The following NUP188 variants were observed in gnomAD, a reference collection of about 807,000 sequenced individuals.
The protein encoded by NUP188 is nucleoporin 188, also known as nucleoporin NUP188.
In NUP188, 97 loss-of-function variants were observed where a neutral mutation model predicts 223.0. That is an observed-to-expected ratio of 0.43 (90% CI 0.37 to 0.51). NUP188 has a LOEUF of 0.51. Among genes scored for constraint, NUP188 ranks in the 20% least tolerant of loss-of-function variants. The probability of loss-of-function intolerance (pLI) is 0.00; values close to 1 mark genes in which losing one functional copy is unlikely to be tolerated. For synonymous variants in NUP188, 869 were observed against 828.0 expected (o/e 1.05, Z -0.85); for missense variants, 1,947 against 2,175.6 (o/e 0.89, Z 2.09).
intron 10 of NUP188, among the ~76,000 whole-genome samples, chr9:128,969,734 A>G (rs545428647): frequency 2.4e-4 from 37 of 152,276 alleles, no homozygotes; most frequent in African/African-American, 7.7e-4. Context: ...GCTCACTGCA[A>G]CTTCCACCTC....
In NUP188 at chr9:128,959,864, A is replaced by G. The variant is rs114720128; in HGVS notation, c.585+730A>G. 4.1e-3 allele frequency among the ~76,000 whole-genome samples: 618 copies of G among 152,214 alleles called. 10 individuals carry two copies. The highest frequency in any genetic ancestry group is 0.014 in the African/African-American group (593 of 41,554). On this transcript the variant is annotated intron_variant, in intron 8 of 43. Coordinates refer to ENST00000372577, the MANE Select transcript of NUP188 (RefSeq NM_015354.3). Reference sequence around the variant, plus strand: ...AGGTTATCATTCTTGAGAAAAGTTTAAACATGTCATATAAATCAAAATATT... The same window carrying G: ...AGGTTATCATTCTTGAGAAAAGTTTGAACATGTCATATAAATCAAAATATT...
intron 2 of NUP188, 23 bp downstream of exon 2, chr9:128,949,266 G>A: frequency 6.4e-7 from 1 of 1,557,434 alleles, no homozygotes; most frequent in South Asian, 1.1e-5. Flanking sequence ...GTTCTTGAGT[G>A]GGTTCTCTGG....
At chr9:128,971,342 G>A (rs1181768992) in intron 11 of NUP188, among the ~76,000 whole-genome samples, 2 of 152,180 alleles carry the variant, frequency 1.3e-5, no homozygotes, top group Non-Finnish European at 2.9e-5. Flanking sequence ...TTAATCAACT[G>A]TAACAAGATG....
chr9:128,993,476 C>T (rs1305000843), intron 26 of NUP188, 49 bp from the exon 27 acceptor site: 5 of 1,612,616 alleles, frequency 3.1e-6, no homozygotes, highest in African/African-American at 1.3e-5. Context: ...GCAAGTACAG[C>T]TGCTGGCAGT....
intron 8 of NUP188, among the ~76,000 whole-genome samples, 194 bp downstream of exon 8, chr9:128,959,328 G>C (rs919753747): frequency 6.6e-6 from 1 of 151,838 alleles, no homozygotes; most frequent in Non-Finnish European, 1.5e-5. Context: ...TTTTAGTAGA[G>C]ACAGGGTTTC....
chr9:128,958,097 G>GGTCAAGAAGCTGTCACTCAA, intron 6 of NUP188, 43 bp downstream of exon 6: 1 of 1,523,282 alleles, frequency 6.6e-7, no homozygotes, highest in Non-Finnish European at 9.1e-7. Flanking sequence ...GTAAAATTGA[G>GGTCAAGAAGCTGTCACTCAA]TGACAGCTTC....
intron 8 of NUP188, among the ~76,000 whole-genome samples, chr9:128,961,099 A>C (rs1036969179): frequency 2.0e-5 from 3 of 150,930 alleles, no homozygotes; most frequent in African/African-American, 4.9e-5. Flanking sequence ...AAAAAAAAAA[A>C]AAAACCATAA....
intron 12 of NUP188, among the ~76,000 whole-genome samples, chr9:128,976,329 A>G (rs1422689699): frequency 6.6e-6 from 1 of 152,182 alleles, no homozygotes; most frequent in Non-Finnish European, 1.5e-5. Context: ...GTGAAAATTA[A>G]AATTTTTTAT....
chr9:128,959,178 T>C (rs767002233), intron 8 of NUP188, 44 bp downstream of exon 8: 2 of 1,471,830 alleles, frequency 1.4e-6, no homozygotes, highest in Non-Finnish European at 1.8e-6. Flanking sequence ...TTTTTTAAGA[T>C]GGAGTTTCCC....
chr9:128,957,567 C>A (rs1326839838), intron 5 of NUP188, among the ~76,000 whole-genome samples: 1 of 152,052 alleles, frequency 6.6e-6, no homozygotes, highest in Non-Finnish European at 1.5e-5. Flanking sequence ...CGGGTTCACG[C>A]CATTCTCCTG....
intron 1 of NUP188, 159 bp from the exon 2 acceptor site, chr9:128,949,030 A>G (rs1841737013): frequency 5.3e-6 from 3 of 565,650 alleles, no homozygotes; most frequent in Non-Finnish European, 9.6e-6. Flanking sequence ...CGGCCCTAAC[A>G]ATATTATTAT....
chr9:128,999,034 G>T, intron 32 of NUP188, 138 bp from the exon 33 acceptor site: 1 of 639,272 alleles, frequency 1.6e-6, no homozygotes, highest in South Asian at 1.8e-5. Context: ...TGTATTTTTA[G>T]TAGAGACAGG....
intron 8 of NUP188, among the ~76,000 whole-genome samples, chr9:128,960,151 C>G (rs1841926928): frequency 6.7e-6 from 1 of 150,256 alleles, no homozygotes; most frequent in Non-Finnish European, 1.5e-5. Flanking sequence ...GCAGGCTCCA[C>G]CTCCCGGGTT....
chr9:128,952,227 T>C (rs1163110973), intron 2 of NUP188, among the ~76,000 whole-genome samples: 2 of 151,620 alleles, frequency 1.3e-5, no homozygotes, highest in Non-Finnish European at 2.9e-5. Context: ...TGAAACCCCA[T>C]CTCTACTAAA....
At chr9:128,994,194 G>A (rs1163178287) in intron 27 of NUP188, among the ~76,000 whole-genome samples, 179 bp from the exon 28 acceptor site, 3 of 152,118 alleles carry the variant, frequency 2.0e-5, no homozygotes, top group African/African-American at 7.2e-5. Context: ...ATTCATGAGA[G>A]GAAAATGTAA....
chr9:128,986,670 A>G lies in NUP188; in HGVS notation c.2189A>G (p.Glu730Gly). Residue 730 changes from glutamate (E) to glycine (G), a missense_variant, in exon 21 of 44, where the codon GAA (glutamate) becomes GGA (glycine). Physicochemically the swap from Glu to Gly is moderately conservative, Grantham distance 98. This residue lies in a region of NUP188 where 225 missense variants were observed against 319.1 expected (regional missense o/e 0.71). Coordinates refer to ENST00000372577, the MANE Select transcript of NUP188 (RefSeq NM_015354.3). Reference protein sequence around the residue: ...KWRYNSHGVREQIGCLILELI... With the variant: ...KWRYNSHGVRGQIGCLILELI... ...CGCTACAACTCTCATGGAGTGAGGG[A>G]ACAGATTGGTAAGGACAGCATGGGC... 1 of 1,614,128 alleles carries G rather than the reference A, an allele frequency of 6.2e-7. No individual in the cohort carries two copies. The highest frequency in any genetic ancestry group is 8.5e-7 in the Non-Finnish European group (1 of 1,180,012).
intron 40 of NUP188, 44 bp from the exon 41 acceptor site, chr9:129,005,601 G>A (rs1842775971): frequency 1.2e-6 from 2 of 1,611,320 alleles, no homozygotes; most frequent in Non-Finnish European, 1.7e-6. Flanking sequence ...AGAGCTACCT[G>A]GGGCCTTAAT....
chr9:128,992,075 T>G (rs1842444023), intron 25 of NUP188, among the ~76,000 whole-genome samples: 1 of 151,090 alleles, frequency 6.6e-6, no homozygotes, highest in South Asian at 2.1e-4. Flanking sequence ...CCCGGCTAAT[T>G]TTTTGTATTT....
intron 20 of NUP188, among the ~76,000 whole-genome samples, chr9:128,985,833 G>T (rs1272289791): frequency 1.3e-5 from 2 of 152,190 alleles, no homozygotes; most frequent in Non-Finnish European, 2.9e-5. Flanking sequence ...CTGATCAGGA[G>T]TTTGAGACCA....
Sources: gnomAD v4.1 joint callset for allele counts (sites outside exome capture counted in the v4.1 genomes callset) on GRCh38, gnomAD v4.1.1 for gene constraint, gnomAD v4.1.1 regional missense constraint, MANE v1.5 for transcripts, NCBI Gene and HGNC (gene_info 2026-07-23, HGNC 2026-07-21) for gene names.